Variants in CDKN2B-AS1 observed in about 807,000 individuals in gnomAD.
The protein encoded by CDKN2B-AS1 is CDKN2B antisense RNA 1 (non-protein coding).
chr9:22,011,540 TCA>T (rs1821509810), intron 1 of CDKN2B-AS1, among the ~76,000 whole-genome samples: 1 of 152,216 alleles, frequency 6.6e-6, no homozygotes, highest in Non-Finnish European at 1.5e-5. Context: ...TTTTGCGACT[TCA>T]GAGTCTTTTT....
chr9:22,105,528 T>C (rs1187509113), intron 4 of CDKN2B-AS1, among the ~76,000 whole-genome samples: 1 of 152,160 alleles, frequency 6.6e-6, no homozygotes, highest in Non-Finnish European at 1.5e-5. Context: ...GCATGGGAGC[T>C]TCAGGTAGCA....
intron 4 of CDKN2B-AS1, among the ~76,000 whole-genome samples, chr9:22,123,090 T>C (rs1191092817): frequency 1.3e-5 from 2 of 152,200 alleles, no homozygotes; most frequent in African/African-American, 2.4e-5. Flanking sequence ...CATTTATTCC[T>C]TGGTATTTTA....
At chr9:22,070,745 G>A (rs1360243141) in intron 4 of CDKN2B-AS1, among the ~76,000 whole-genome samples, 2 of 152,082 alleles carry the variant, frequency 1.3e-5, no homozygotes, top group African/African-American at 2.4e-5. Context: ...CCTGCCTCTG[G>A]TGCACAGCAA....
intron 4 of CDKN2B-AS1, among the ~76,000 whole-genome samples, chr9:22,060,181 T>C (rs1369647617): frequency 6.6e-6 from 1 of 152,234 alleles, no homozygotes; most frequent in East Asian, 1.9e-4. Flanking sequence ...TTTTCTTTTC[T>C]ATTGCATAGT....
At position 22,094,390 on chromosome 9, in the gene CDKN2B-AS1, C is replaced by T. The variant is rs1276675903; in HGVS notation, n.439-32713C>T. ...GCCTTGCTAGATTGGGGAAGTTCTC[C>T]TGGATAATATCCTGCAGAGTGTTTT... On this transcript the variant is annotated intron_variant and non_coding_transcript_variant, in intron 4 of 4. Coordinates refer to ENST00000650946, the Ensembl canonical transcript of CDKN2B-AS1. Among the ~76,000 whole-genome samples the T allele has an allele frequency of 2.1e-5, 3 of 144,450 alleles. 1 individual carries two copies. The highest frequency in any genetic ancestry group is 5.8e-5 in the African/African-American group (2 of 34,628). The allele number at this position is 144,450 out of a possible 152,430, so 94.8% of individuals were successfully genotyped here.
chr9:22,113,359 A>G (rs1388881052), intron 4 of CDKN2B-AS1, among the ~76,000 whole-genome samples: 1 of 152,228 alleles, frequency 6.6e-6, no homozygotes, highest in African/African-American at 2.4e-5. Context: ...CCTTTCTGTC[A>G]CAGCTCTGTA....
At chr9:22,077,571 GGAGCA>G (rs1824544245) in intron 4 of CDKN2B-AS1, 1 of 152,142 alleles carries the variant, frequency 6.6e-6, no homozygotes, top group African/African-American at 2.4e-5. Flanking sequence ...CCATGGTTCA[GGAGCA>G]GAATAGTCAC....
At chr9:22,035,484 A>G (rs1370665623) in intron 1 of CDKN2B-AS1, among the ~76,000 whole-genome samples, 3 of 152,166 alleles carry the variant, frequency 2.0e-5, no homozygotes, top group Non-Finnish European at 4.4e-5. Flanking sequence ...ACCTATACCC[A>G]TGGCAGTAAG....
intron 1 of CDKN2B-AS1, chr9:22,009,306 G>C (rs1211902055): frequency 6.9e-6 from 3 of 434,482 alleles, no homozygotes; most frequent in African/African-American, 2.0e-5. Context: ...CTGGCAGAGT[G>C]GGGAGCCAGC....
chr9:22,015,797 T>G (rs545876406), intron 1 of CDKN2B-AS1, among the ~76,000 whole-genome samples: 1 of 152,236 alleles, frequency 6.6e-6, no homozygotes, highest in Non-Finnish European at 1.5e-5. Flanking sequence ...CTAACTGGTG[T>G]GAGATGGTAT....
intron 4 of CDKN2B-AS1, among the ~76,000 whole-genome samples, chr9:22,067,483 T>G (rs1446068491): frequency 1.3e-5 from 2 of 152,094 alleles, no homozygotes; most frequent in Non-Finnish European, 2.9e-5. Context: ...CCAAAATGTG[T>G]TATTGTCATT....
chr9:22,006,205 G>T lies in CDKN2B-AS1; in HGVS notation n.29+11044G>T. On this transcript the variant is annotated intron_variant and non_coding_transcript_variant, in intron 1 of 4. Transcript: ENST00000650946. The surrounding 1 kb of genome is among the most constrained non-coding windows in gnomAD (Gnocchi z 6.4). Reference sequence around the variant, plus strand: ...GCGCAGTTGGGCTCCGCGCCGTGGAGCAGCAGCAGCTCCGCCACGCGGGCG... The same window carrying T: ...GCGCAGTTGGGCTCCGCGCCGTGGATCAGCAGCAGCTCCGCCACGCGGGCG... 6.2e-7 allele frequency: 1 copy of T among 1,608,382 alleles called. No individual in the cohort carries two copies.
At position 21,995,783 on chromosome 9, in the gene CDKN2B-AS1, C is replaced by A. The variant is rs1820642844; in HGVS notation, n.29+622C>A. ...TCGTCCAGGAACTCGGACGCGGGCT[C>A]GCCGGCTCTCCGCGCGCGGGAAGTC... On this transcript the variant is annotated intron_variant and non_coding_transcript_variant, in intron 1 of 4. Coordinates refer to ENST00000650946, the Ensembl canonical transcript of CDKN2B-AS1. This position sits in a 1 kb window ranked among gnomAD's most constrained non-coding sequence, Gnocchi z 5.7. 6.6e-6 allele frequency: 1 copy of A among 152,242 alleles called. No homozygotes were observed. Among genetic ancestry groups the A allele is most frequent in the African/African-American group, 2.4e-5 (1 of 41,462 alleles). 9.4% of individuals were successfully genotyped at this position (152,242 alleles called of 1,614,324 possible). A position where few individuals can be genotyped will look rare whatever the true frequency, so the allele number is the denominator to read the frequency against.
At chr9:22,120,901 A>G (rs1826083906) in intron 4 of CDKN2B-AS1, 2 of 152,230 alleles carry the variant, frequency 1.3e-5, no homozygotes, top group South Asian at 2.1e-4. Flanking sequence ...TAACTCATGT[A>G]ATCCTCATAA....
chr9:22,041,929 A>G lies in CDKN2B-AS1; in HGVS notation n.30-4822A>G, dbSNP rs369572408. Among the ~76,000 whole-genome samples the G allele has an allele frequency of 5.9e-5, 9 of 152,072 alleles. No homozygotes were observed. In the East Asian group the frequency reaches 1.2e-3, roughly 20 times the overall value. On this transcript the variant is annotated intron_variant and non_coding_transcript_variant, in intron 1 of 4. Transcript: ENST00000650946. Reference sequence around the variant, plus strand: ...TACCATAATCTCTGTGTAATTGGCCAAATTCCATGGTGGATAATTAGATCT... The same window carrying G: ...TACCATAATCTCTGTGTAATTGGCCGAATTCCATGGTGGATAATTAGATCT...
At chr9:22,057,243 A>G (rs898511646) in intron 4 of CDKN2B-AS1, among the ~76,000 whole-genome samples, 1 of 152,078 alleles carries the variant, frequency 6.6e-6, no homozygotes, top group Non-Finnish European at 1.5e-5. Flanking sequence ...ATTCTTCAGT[A>G]TGTTATAATT....
At chr9:22,083,185 T>A (rs373360583) in intron 4 of CDKN2B-AS1, among the ~76,000 whole-genome samples, 1 of 152,212 alleles carries the variant, frequency 6.6e-6, no homozygotes, top group East Asian at 1.9e-4. Context: ...GAAAATTGCA[T>A]CATACAGAGA....
chr9:22,102,871 C>A (rs1028799377), intron 4 of CDKN2B-AS1, among the ~76,000 whole-genome samples: 1 of 152,126 alleles, frequency 6.6e-6, no homozygotes, highest in Non-Finnish European at 1.5e-5. Flanking sequence ...GCTTTATCAG[C>A]ATTAGAAAGC....
rs562885506 is a variant in CDKN2B-AS1, at chr9:22,005,682, A to G, written n.29+10521A>G. 3.1e-4 allele frequency: 163 copies of G among 519,396 alleles called. 2 individuals are homozygous for G. In the South Asian group the frequency reaches 3.3e-3, roughly 11 times the overall value. The allele number at this position is 519,396 out of a possible 1,614,324, so 32.2% of individuals were successfully genotyped here. A position where few individuals can be genotyped will look rare whatever the true frequency, so the allele number is the denominator to read the frequency against. ...AGGTCCAGTCAAGGATTTCATATGC[A>G]CTTTCCCTCAGAAAACCCTGAAAAG... On this transcript the variant is annotated intron_variant and non_coding_transcript_variant, in intron 1 of 4. Transcript: ENST00000650946. This position sits in a 1 kb window ranked among gnomAD's most constrained non-coding sequence, Gnocchi z 4.9.
Sources: gnomAD v4.1 joint callset for allele counts (sites outside exome capture counted in the v4.1 genomes callset) on GRCh38, gnomAD v4.1.1 for gene constraint, Gnocchi (gnomAD v3.1) non-coding constraint, MANE v1.5 for transcripts, NCBI Gene and HGNC (gene_info 2026-07-23, HGNC 2026-07-21) for gene names.